Variants in NR3C2 observed in about 807,000 individuals in gnomAD.
NR3C2 encodes the protein mineralocorticoid receptor.
Under a neutral mutation model 86.4 loss-of-function variants are expected in NR3C2, and 15 were observed. The observed-to-expected ratio is 0.17, with a 90% confidence interval of 0.12 to 0.27. The LOEUF (loss-of-function observed/expected upper bound fraction) is 0.27. NR3C2 is among the 10% of genes least tolerant of loss of function. The pLI is 1.00. For missense variants in NR3C2, 960 were observed against 1,195.6 expected (o/e 0.80, Z 2.91); for synonymous variants, 458 against 450.5 (o/e 1.02, Z -0.21).
intron 2 of NR3C2, among the ~76,000 whole-genome samples, chr4:148,288,463 T>C (rs1297352219): frequency 6.6e-6 from 1 of 152,182 alleles, no homozygotes; most frequent in Non-Finnish European, 1.5e-5. Flanking sequence ...GTCATTCTAG[T>C]AAAAATAACA....
intron 3 of NR3C2, among the ~76,000 whole-genome samples, chr4:148,206,175 T>C (rs1049798897): frequency 9.9e-5 from 15 of 152,122 alleles, no homozygotes; most frequent in Non-Finnish European, 4.4e-5. Flanking sequence ...TGGGAAGACT[T>C]TGATTGGGAG....
At chr4:148,089,750 A>G (rs1248380160) in intron 8 of NR3C2, among the ~76,000 whole-genome samples, 1 of 152,202 alleles carries the variant, frequency 6.6e-6, no homozygotes, top group Non-Finnish European at 1.5e-5. Context: ...TCAAAGCTAC[A>G]GCTACACTGG....
chr4:148,356,110 A>T (rs1745538396), intron 2 of NR3C2, among the ~76,000 whole-genome samples: 1 of 152,244 alleles, frequency 6.6e-6, no homozygotes, highest in South Asian at 2.1e-4. Context: ...GATCTACAGA[A>T]TAAAACTCTC....
intron 2 of NR3C2, among the ~76,000 whole-genome samples, chr4:148,284,546 GAATA>G (rs1234330737): frequency 6.6e-5 from 10 of 152,098 alleles, no homozygotes; most frequent in African/African-American, 9.7e-5. Context: ...TCAGGTAAAA[GAATA>G]AATACATTCA....
At chr4:148,405,766 C>T (rs1487092149) in intron 2 of NR3C2, among the ~76,000 whole-genome samples, 1 of 152,332 alleles carries the variant, frequency 6.6e-6, no homozygotes, top group African/African-American at 2.4e-5. Context: ...GTGGGGGACT[C>T]AGAGTCTGTC....
At chr4:148,243,877 G>C (rs1266002681) in intron 3 of NR3C2, among the ~76,000 whole-genome samples, 1 of 152,188 alleles carries the variant, frequency 6.6e-6, no homozygotes, top group East Asian at 1.9e-4. Flanking sequence ...GAAAACTGCT[G>C]TATGATTGCT....
chr4:148,275,469 T>C (rs1349074077), intron 2 of NR3C2, among the ~76,000 whole-genome samples: 1 of 152,074 alleles, frequency 6.6e-6, no homozygotes, highest in East Asian at 1.9e-4. Context: ...TCACTCTTGT[T>C]GCCCAGGCTG....
chr4:148,373,982 TC>T (rs916925133), intron 2 of NR3C2, among the ~76,000 whole-genome samples: 10 of 152,158 alleles, frequency 6.6e-5, no homozygotes, highest in African/African-American at 2.4e-4. Context: ...TAAATGCAGG[TC>T]TGCACTCCAA....
chr4:148,371,274 T>A (rs1746405747), intron 2 of NR3C2, among the ~76,000 whole-genome samples: 1 of 152,060 alleles, frequency 6.6e-6, no homozygotes, highest in African/African-American at 2.4e-5. Context: ...TACTAGGTCT[T>A]ATTCATTCTA....
intron 2 of NR3C2, among the ~76,000 whole-genome samples, chr4:148,304,562 A>G (rs1742512453): frequency 6.6e-6 from 1 of 152,086 alleles, no homozygotes; most frequent in African/African-American, 2.4e-5. Context: ...CCTTTCAGGG[A>G]GAACTGACTG....
chr4:148,415,158 T>G (rs1416771983), intron 2 of NR3C2, among the ~76,000 whole-genome samples: 1 of 152,066 alleles, frequency 6.6e-6, no homozygotes, highest in Non-Finnish European at 1.5e-5. Flanking sequence ...ACAGTGCAAC[T>G]TAAAATAATA....
At chr4:148,303,512 G>C (rs1742447654) in intron 2 of NR3C2, among the ~76,000 whole-genome samples, 1 of 152,006 alleles carries the variant, frequency 6.6e-6, no homozygotes, top group Non-Finnish European at 1.5e-5. Flanking sequence ...CAGTTATCTG[G>C]GCGTGTCACA....
intron 3 of NR3C2, among the ~76,000 whole-genome samples, chr4:148,225,471 G>GT (rs1261385746): frequency 6.6e-6 from 1 of 151,952 alleles, no homozygotes; most frequent in Admixed American, 6.6e-5. Context: ...TTAGAACTTT[G>GT]TTTTCAAGTT....
chr4:148,366,415 T>A, intron 2 of NR3C2, among the ~76,000 whole-genome samples: 1 of 538 alleles, frequency 1.9e-3, no homozygotes, highest in African/African-American at 6.6e-3. Context: ...AACCCCAAAT[T>A]CACTCCTTGA....
chr4:148,321,207 C>A, intron 2 of NR3C2, among the ~76,000 whole-genome samples: 1 of 128,020 alleles, frequency 7.8e-6, no homozygotes, highest in Non-Finnish European at 1.8e-5. Context: ...ATTCTTAATC[C>A]TGAGTTCTAG....
At chr4:148,354,718 A>AT (rs1156731050) in intron 2 of NR3C2, among the ~76,000 whole-genome samples, 1 of 152,154 alleles carries the variant, frequency 6.6e-6, no homozygotes, top group African/African-American at 2.4e-5. Flanking sequence ...TTTCAATGAC[A>AT]TTCGTATATA....
chr4:148,353,817 T>C (rs754542797), intron 2 of NR3C2, among the ~76,000 whole-genome samples: 4 of 152,178 alleles, frequency 2.6e-5, no homozygotes, highest in Admixed American at 2.6e-4. Flanking sequence ...CAAGATTTTA[T>C]TGTTTTGCAG....
intron 8 of NR3C2, among the ~76,000 whole-genome samples, chr4:148,095,473 C>T (rs540159732): frequency 6.6e-6 from 1 of 152,232 alleles, no homozygotes; most frequent in African/African-American, 2.4e-5. Context: ...ACAATGCCAT[C>T]GCTCAGCTGA....
chr4:148,097,751 G>GTTTTTTTTTTTT (rs553156519), intron 8 of NR3C2, among the ~76,000 whole-genome samples: 4 of 102,906 alleles, frequency 3.9e-5, no homozygotes, highest in South Asian at 2.8e-4. Flanking sequence ...GTTTTTTTTT[G>GTTTTTTTTTTTT]TTTTTTTTTT....
Sources: gnomAD v4.1 joint callset for allele counts (sites outside exome capture counted in the v4.1 genomes callset) on GRCh38, gnomAD v4.1.1 for gene constraint, MANE v1.5 for transcripts, NCBI Gene and HGNC (gene_info 2026-07-23, HGNC 2026-07-21) for gene names.